FAM133A: variants seen among roughly 807,000 people sequenced by gnomAD.
FAM133A encodes the protein protein FAM133A.
For synonymous variants in FAM133A, 65 were observed against 58.6 expected (o/e 1.11, Z -0.50); for missense variants, 159 against 164.4 (o/e 0.97, Z 0.18).
chrX:93,679,959 A>T (rs865885497), intron 2 of FAM133A, among the ~76,000 whole-genome samples: 7 of 39,118 alleles, frequency 1.8e-4, no homozygotes, highest in African/African-American at 6.7e-4. Context: ...TTTTTTTTTT[A>T]GTAGAGACAG....
At chrX:93,701,834 A>G (rs1217636428) in intron 3 of FAM133A, among the ~76,000 whole-genome samples, 1 of 111,827 alleles carries the variant, frequency 8.9e-6, no homozygotes, top group African/African-American at 3.3e-5. Flanking sequence ...TGGCTAGGGT[A>G]AAGTGCTAAA....
chrX:93,705,209 G>T (rs1236490989), intron 3 of FAM133A, among the ~76,000 whole-genome samples: 2 of 111,500 alleles, frequency 1.8e-5, no homozygotes, highest in Non-Finnish European at 1.9e-5. Context: ...AAGAATCAAT[G>T]AACAAATATT....
intron 3 of FAM133A, among the ~76,000 whole-genome samples, 182 bp downstream of exon 3, chrX:93,698,667 G>C (rs1422950073): frequency 8.9e-6 from 1 of 111,958 alleles, no homozygotes; most frequent in Non-Finnish European, 1.9e-5. Flanking sequence ...GTTCAAGAGA[G>C]ACTGAGAGGA....
intron 2 of FAM133A, among the ~76,000 whole-genome samples, chrX:93,682,025 C>T (rs1008733709): frequency 9.0e-6 from 1 of 111,539 alleles, no homozygotes; most frequent in African/African-American, 3.3e-5. Context: ...TTTGAAAGGT[C>T]TTTCTGAAAA....
At chrX:93,688,214 A>G (rs1259713169) in intron 2 of FAM133A, among the ~76,000 whole-genome samples, 2 of 109,253 alleles carry the variant, frequency 1.8e-5, no homozygotes, top group Non-Finnish European at 1.9e-5. Flanking sequence ...TGGTAGTTCA[A>G]TTTTTAGTTT....
rs771071440 is a variant in FAM133A at position 93,709,743 on chromosome X, A to G, written c.324A>G (p.Ser108=). 122 of 1,195,019 alleles carry G rather than the reference A, an allele frequency of 1.0e-4. No individual in the cohort carries two copies. The highest frequency in any genetic ancestry group is 2.9e-4 in the Middle Eastern group (1 of 3,415). Residue 108 remains serine, a synonymous_variant, in exon 4 of 4, where the codon TCA becomes TCG. Coordinates refer to ENST00000683942, the MANE Select transcript of FAM133A (RefSeq NM_001171109.2). ...KKKSCRSSSS[S]SSSDSSSSSS... ...AATCTTGTCGGTCTTCATCTTCTTC[A>G]TCAAGCTCTGATTCTTCAAGCAGTT...
At chrX:93,699,500 G>T (rs977838458) in intron 3 of FAM133A, among the ~76,000 whole-genome samples, 8 of 111,158 alleles carry the variant, frequency 7.2e-5, no homozygotes, top group African/African-American at 2.3e-4. Flanking sequence ...CAATTTGTTT[G>T]TTAATATGTT....
rs1446146527 is a variant in FAM133A at position 93,709,706 on chromosome X, A to C, written c.287A>C (p.Lys96Thr). The change falls in exon 4 of 4, where the codon AAG (lysine) becomes ACG (threonine). Residue 96 changes from lysine (K) to threonine (T), a missense_variant. By Grantham distance (78) the Lys-to-Thr change is moderately conservative. Coordinates refer to ENST00000683942, the MANE Select transcript of FAM133A (RefSeq NM_001171109.2). ...TCTAAAAAAAGAGAAAGAAAGAAAA[A>C]GAGAAAGAAGAAATCTTGTCGGTCT... The part of the protein sequence containing the change: ...SSSKKRERKK[K>T]RKKKSCRSSS... 1 of 1,197,282 alleles carries C rather than the reference A, an allele frequency of 8.4e-7. No homozygotes were observed. Among genetic ancestry groups the C allele is most frequent in the Non-Finnish European group, 1.1e-6 (1 of 890,191 alleles).
At chrX:93,677,124 T>A (rs1436957969) in intron 2 of FAM133A, among the ~76,000 whole-genome samples, 1 of 111,149 alleles carries the variant, frequency 9.0e-6, no homozygotes, top group Non-Finnish European at 1.9e-5. Context: ...TGCATAGTGA[T>A]ATGTTTTTTT....
chrX:93,676,126 C>T (rs1466513080), intron 2 of FAM133A, among the ~76,000 whole-genome samples: 1 of 111,015 alleles, frequency 9.0e-6, no homozygotes, highest in African/African-American at 3.3e-5. Context: ...ATTTTGATCA[C>T]ATTAAATAAA....
chrX:93,684,902 A>G (rs1182190950), intron 2 of FAM133A, among the ~76,000 whole-genome samples: 1 of 112,142 alleles, frequency 8.9e-6, no homozygotes, highest in African/African-American at 3.2e-5. Flanking sequence ...ACTATCTTTC[A>G]CTTGAATAGC....
In FAM133A at chrX:93,697,936, C is replaced by G. The variant is rs151086018; in HGVS notation, c.-192-461C>G. On this transcript the variant is annotated intron_variant, in intron 2 of 3. Coordinates refer to ENST00000683942, the MANE Select transcript of FAM133A (RefSeq NM_001171109.2). ...TTTTATAAATATTACCCCAGTCGCT[C>G]TTTCATTAATTTACTTTATTAGGTT... Among the ~76,000 whole-genome samples, 455 of 111,314 alleles carry G rather than the reference C, an allele frequency of 4.1e-3. 5 individuals are homozygous for G. The East Asian group carries it at 0.061, about 15-fold the overall frequency.
At position 93,709,445 on chromosome X, in the gene FAM133A, C is replaced by A; in HGVS notation, c.26C>A (p.Ala9Asp). ...ATGGGGAAGCGGGATAATCGGGTAG[C>A]CTATATGAATCCTATAGCAATGGCC... MGKRDNRV[A>D]YMNPIAMARW... is the part of the protein sequence containing the mutation. The change falls in exon 4 of 4, where the codon GCC becomes GAC. Residue 9 changes from alanine to aspartate, a missense_variant. Coordinates refer to ENST00000683942, the MANE Select transcript of FAM133A (RefSeq NM_001171109.2). The A allele has an allele frequency of 8.5e-7, 1 of 1,181,170 alleles. No homozygotes were observed. Among genetic ancestry groups the A allele is most frequent in the Non-Finnish European group, 1.1e-6 (1 of 885,302 alleles).
At chrX:93,677,588 C>T (rs1047981607) in intron 2 of FAM133A, among the ~76,000 whole-genome samples, 1 of 111,584 alleles carries the variant, frequency 9.0e-6, no homozygotes, top group African/African-American at 3.3e-5. Flanking sequence ...GCCTTTGAAT[C>T]CCTCCTCTTG....
chrX:93,696,196 T>C (rs4893043), intron 2 of FAM133A, among the ~76,000 whole-genome samples: 7,125 of 110,795 alleles, frequency 0.064, 273 homozygotes, highest in East Asian at 0.27. Context: ...GGCAGCTCGA[T>C]AAAAATAACT....
chrX:93,704,002 C>T (rs933675840), intron 3 of FAM133A, among the ~76,000 whole-genome samples: 9 of 111,480 alleles, frequency 8.1e-5, no homozygotes, highest in African/African-American at 2.9e-4. Context: ...ATGTTGATTC[C>T]AGTCAGGATA....
chrX:93,701,742 A>G (rs897577899), intron 3 of FAM133A, among the ~76,000 whole-genome samples: 2 of 112,147 alleles, frequency 1.8e-5, no homozygotes, highest in Non-Finnish European at 3.8e-5. Context: ...GTATTTATGT[A>G]TATAATGGTT....
chrX:93,673,988 T>TAAAAAA (rs946167250), upstream of FAM133A: 4 of 38,711 alleles, frequency 1.0e-4, no homozygotes, highest in Non-Finnish European at 1.3e-4. Flanking sequence ...CAAAAAGCTG[T>TAAAAAA]AAAAAAAAAA....
chrX:93,705,668 C>CA (rs1187261014), intron 3 of FAM133A, among the ~76,000 whole-genome samples: 1 of 111,305 alleles, frequency 9.0e-6, no homozygotes, highest in Admixed American at 9.6e-5. Flanking sequence ...TACCACCCTA[C>CA]AAAAAATCCT....
Sources: gnomAD v4.1 joint callset for allele counts (sites outside exome capture counted in the v4.1 genomes callset) on GRCh38, gnomAD v4.1.1 for gene constraint, MANE v1.5 for transcripts, NCBI Gene and HGNC (gene_info 2026-07-23, HGNC 2026-07-21) for gene names.